CSMD3: variants seen among roughly 807,000 people sequenced by gnomAD.
The protein encoded by CSMD3 is CUB and Sushi multiple domains 3, also known as CUB and sushi domain-containing protein 3.
In CSMD3, 177 loss-of-function variants were observed where a neutral mutation model predicts 435.2. The observed-to-expected ratio is 0.41, with a 90% CI of 0.36 to 0.46. The LOEUF (loss-of-function observed/expected upper bound fraction) is 0.46. Among genes scored for constraint, CSMD3 ranks in the 20% least tolerant of loss-of-function variants. The pLI is 0.34. For missense variants in CSMD3, 4,265 were observed against 4,504.6 expected, an observed-to-expected ratio of 0.95 and a Z score of 1.52; for synonymous variants, 1,656 against 1,520.5, an observed-to-expected ratio of 1.09 and a Z score of -2.07.
At chr8:113,109,658 T>A (rs1189186412) in intron 4 of CSMD3, among the ~76,000 whole-genome samples, 2 of 152,188 alleles carry the variant, frequency 1.3e-5, no homozygotes, top group African/African-American at 4.8e-5. Context: ...CAGTTCTGTG[T>A]TGTGGCCCTA....
At chr8:113,143,695 A>G (rs1036282229) in intron 4 of CSMD3, among the ~76,000 whole-genome samples, 2 of 151,434 alleles carry the variant, frequency 1.3e-5, no homozygotes, top group Non-Finnish European at 1.5e-5. Flanking sequence ...AAAAATGTCA[A>G]TCCCAAAAAA....
At chr8:112,677,330 T>C (rs917451681) in intron 16 of CSMD3, among the ~76,000 whole-genome samples, 9 of 151,246 alleles carry the variant, frequency 6.0e-5, no homozygotes, top group African/African-American at 2.2e-4. Context: ...CTATCTTGAA[T>C]GGTGGGTGAG....
At chr8:113,016,176 G>A (rs954807778) in intron 6 of CSMD3, among the ~76,000 whole-genome samples, 3 of 151,552 alleles carry the variant, frequency 2.0e-5, no homozygotes, top group South Asian at 2.1e-4. Flanking sequence ...TTTTAAATAC[G>A]AGTGGGCATA....
intron 6 of CSMD3, among the ~76,000 whole-genome samples, chr8:112,995,804 T>C (rs982280788): frequency 6.6e-6 from 1 of 151,380 alleles, no homozygotes; most frequent in African/African-American, 2.4e-5. Flanking sequence ...AATTTTCTCA[T>C]ATCTGGCTGA....
chr8:113,363,769 T>A (rs1024689063), intron 1 of CSMD3, among the ~76,000 whole-genome samples: 15 of 152,188 alleles, frequency 9.9e-5, no homozygotes, highest in Admixed American at 9.2e-4. Context: ...CAAAGATCTT[T>A]TTTTTCTTAC....
chr8:112,537,109 T>C (rs564983826), intron 27 of CSMD3, among the ~76,000 whole-genome samples: 4 of 152,046 alleles, frequency 2.6e-5, no homozygotes, highest in East Asian at 1.9e-4. Flanking sequence ...GCATGGCACA[T>C]GTATACATAC....
At chr8:112,272,154 C>T (rs560443365) in intron 59 of CSMD3, among the ~76,000 whole-genome samples, 1 of 152,262 alleles carries the variant, frequency 6.6e-6, no homozygotes, top group East Asian at 1.9e-4. Flanking sequence ...ACTTCTCAGC[C>T]TCCAGAATTT....
rs562340254 is a variant in CSMD3, at chr8:112,732,840, A to T, written c.1973-42790T>A. ...ACTTGACAGTAAAACTTAATTGCAT[A>T]AAATCTGGCAATCAAAAGAAATATT... On this transcript the variant is annotated intron_variant, in intron 13 of 70. Transcript: ENST00000297405. Among the ~76,000 whole-genome samples the T allele has an allele frequency of 3.3e-5, 5 of 152,290 alleles. No homozygotes were observed. In the South Asian group the frequency reaches 1.0e-3, roughly 32 times the overall value.
chr8:113,001,602 T>C (rs1294744961), intron 6 of CSMD3, among the ~76,000 whole-genome samples: 1 of 152,098 alleles, frequency 6.6e-6, no homozygotes, highest in South Asian at 2.1e-4. Flanking sequence ...ATTTTTTCCT[T>C]TATAGCAGGT....
chr8:112,807,109 C>T (rs2079107781), intron 12 of CSMD3, among the ~76,000 whole-genome samples: 1 of 152,168 alleles, frequency 6.6e-6, no homozygotes, highest in African/African-American at 2.4e-5. Flanking sequence ...TACCTTACCC[C>T]TGATGTCAAT....
intron 1 of CSMD3, among the ~76,000 whole-genome samples, chr8:113,376,506 T>C (rs1416668183): frequency 6.6e-6 from 1 of 152,068 alleles, no homozygotes; most frequent in Non-Finnish European, 1.5e-5. Flanking sequence ...CACTTAAGAG[T>C]AGGTGGCAAA....
chr8:112,279,870 T>C (rs1818458131), intron 59 of CSMD3, among the ~76,000 whole-genome samples: 2 of 152,182 alleles, frequency 1.3e-5, no homozygotes, highest in Admixed American at 6.6e-5. Flanking sequence ...TTCCCAAGCA[T>C]AGTTTGTTTT....
At chr8:112,300,342 T>C (rs2130746978) in intron 53 of CSMD3, among the ~76,000 whole-genome samples, 1 of 150,320 alleles carries the variant, frequency 6.7e-6, no homozygotes, top group South Asian at 2.1e-4. Context: ...TAAAAATGCA[T>C]AAGTAAACTA....
chr8:112,529,598 A>C (rs1825325045), intron 27 of CSMD3, among the ~76,000 whole-genome samples: 1 of 152,006 alleles, frequency 6.6e-6, no homozygotes, highest in Admixed American at 6.6e-5. Flanking sequence ...AAAAAAACAA[A>C]CCAACAAAAA....
chr8:112,898,192 A>G (rs1353394532), intron 10 of CSMD3, among the ~76,000 whole-genome samples: 3 of 151,246 alleles, frequency 2.0e-5, no homozygotes, highest in African/African-American at 4.8e-5. Context: ...AGTATTAAGG[A>G]TACTAGTCAC....
intron 2 of CSMD3, among the ~76,000 whole-genome samples, chr8:113,303,902 A>G (rs199498168): frequency 3.7e-5 from 5 of 134,850 alleles, no homozygotes; most frequent in Non-Finnish European, 6.3e-5. Context: ...AAAAGACAAA[A>G]TTGAAAAATG....
intron 22 of CSMD3, among the ~76,000 whole-genome samples, chr8:112,612,469 A>G (rs962485071): frequency 6.6e-6 from 1 of 152,098 alleles, no homozygotes; most frequent in African/African-American, 2.4e-5. Context: ...AAGAGATTGC[A>G]GTATAGGGAA....
chr8:112,406,907 ATATTGT>A (rs1298301749), intron 34 of CSMD3, among the ~76,000 whole-genome samples, 180 bp from the exon 35 acceptor site: 1 of 152,090 alleles, frequency 6.6e-6, no homozygotes, highest in Non-Finnish European at 1.5e-5. Context: ...TTTAAAATAA[ATATTGT>A]TATTGTCATC....
chr8:112,367,505 G>C (rs572760921), intron 38 of CSMD3, among the ~76,000 whole-genome samples: 1 of 152,112 alleles, frequency 6.6e-6, no homozygotes, highest in African/African-American at 2.4e-5. Context: ...CAGAAGACCA[G>C]AAACCTGAGA....
Sources: allele counts gnomAD v4.1 joint callset (sites outside exome capture counted in the v4.1 genomes callset), GRCh38; gene constraint gnomAD v4.1.1; transcripts MANE v1.5; gene names NCBI Gene and HGNC (gene_info 2026-07-23, HGNC 2026-07-21).